Variants in C1GALT1 observed in about 807,000 individuals in gnomAD.
C1GALT1 encodes glycoprotein-N-acetylgalactosamine 3-beta-galactosyltransferase 1.
C1GALT1 carries 11 observed loss-of-function variants against 31.0 expected under a neutral mutation model. The ratio of observed to expected loss-of-function variants is 0.36; its 90% CI spans 0.22 to 0.59. C1GALT1 has a LOEUF of 0.59. Ranked by LOEUF, C1GALT1 falls within the 20% of genes least tolerant of loss-of-function variation. C1GALT1 has a pLI of 0.79. For missense variants in C1GALT1, 424 were observed against 425.2 expected (o/e 1.00, Z 0.03); for synonymous variants, 175 against 143.6 (o/e 1.22, Z -1.56).
chr7:7,167,044 C>T (rs933356427), intron 2 of C1GALT1, among the ~76,000 whole-genome samples: 3 of 152,176 alleles, frequency 2.0e-5, no homozygotes, highest in Non-Finnish European at 4.4e-5. Flanking sequence ...GATTGGACAC[C>T]AGGCTCAGAG....
At chr7:7,197,667 T>C (rs201589309) in intron 1 of C1GALT1, among the ~76,000 whole-genome samples, 77 of 152,200 alleles carry the variant, frequency 5.1e-4, no homozygotes, top group Non-Finnish European at 9.3e-4. Flanking sequence ...ATTCTTCCTA[T>C]CCATGAGCAT....
At chr7:7,173,661 G>A (rs1273265097) in intron 2 of C1GALT1, among the ~76,000 whole-genome samples, 5 of 152,178 alleles carry the variant, frequency 3.3e-5, no homozygotes, top group African/African-American at 1.2e-4. Context: ...CCAGCACTTT[G>A]GGAGGCCAAG....
chr7:7,184,424 A>C (rs1335634244), intron 1 of C1GALT1, among the ~76,000 whole-genome samples: 1 of 152,188 alleles, frequency 6.6e-6, no homozygotes, highest in African/African-American at 2.4e-5. Context: ...GTTTTTCATA[A>C]TTATGCTTTT....
upstream of C1GALT1, among the ~76,000 whole-genome samples, chr7:7,179,156 A>G (rs1780540809): frequency 6.6e-6 from 1 of 152,320 alleles, no homozygotes; most frequent in East Asian, 1.9e-4. Context: ...TGACTCTGAC[A>G]TAACAGCTAC....
At chr7:7,173,461 A>C (rs1780474755) in intron 2 of C1GALT1, among the ~76,000 whole-genome samples, 1 of 152,174 alleles carries the variant, frequency 6.6e-6, no homozygotes, top group African/African-American at 2.4e-5. Context: ...GCAATGCAAG[A>C]ATGGATTAAC....
intron 3 of C1GALT1, among the ~76,000 whole-genome samples, chr7:7,242,070 A>C (rs1783654572): frequency 6.6e-6 from 1 of 151,974 alleles, no homozygotes; most frequent in Non-Finnish European, 1.5e-5. Flanking sequence ...TGAGCACTTG[A>C]AATGTGGCTA....
intron 1 of C1GALT1, among the ~76,000 whole-genome samples, chr7:7,232,402 C>T (rs1783120177): frequency 6.6e-6 from 1 of 151,958 alleles, no homozygotes; most frequent in Non-Finnish European, 1.5e-5. Context: ...ATTTCCCAGA[C>T]CTCTACTTTC....
At chr7:7,214,690 C>T (rs2128240001) in intron 1 of C1GALT1, among the ~76,000 whole-genome samples, 1 of 152,320 alleles carries the variant, frequency 6.6e-6, no homozygotes, top group South Asian at 2.1e-4. Context: ...AGATCCAACC[C>T]AAGCAACTCC....
chr7:7,198,926 T>C (rs1164170343), intron 1 of C1GALT1, among the ~76,000 whole-genome samples: 1 of 152,184 alleles, frequency 6.6e-6, no homozygotes, highest in African/African-American at 2.4e-5. Context: ...CTTCTCTCTT[T>C]TCTTCTCTAT....
At chr7:7,239,006 C>CT (rs748573862) in intron 3 of C1GALT1, 84 bp downstream of exon 3, 2 of 1,093,462 alleles carry the variant, frequency 1.8e-6, no homozygotes, top group East Asian at 5.0e-5. Context: ...GTGTATGTTT[C>CT]TTTAGTACCA....
At chr7:7,203,092 G>GTTTTTT (rs35048292) in intron 1 of C1GALT1, among the ~76,000 whole-genome samples, 109 of 137,726 alleles carry the variant, frequency 7.9e-4, no homozygotes, top group African/African-American at 2.6e-3. Flanking sequence ...GTTCTAACAG[G>GTTTTTT]TTTTTTTTTT....
At chr7:7,210,090 G>A (rs933864405) in intron 1 of C1GALT1, among the ~76,000 whole-genome samples, 10 of 152,190 alleles carry the variant, frequency 6.6e-5, no homozygotes, top group Admixed American at 3.9e-4. Context: ...CAGGCCATCT[G>A]GATGTATACG....
chr7:7,169,331 A>C (rs1325447333), intron 2 of C1GALT1, among the ~76,000 whole-genome samples: 1 of 152,186 alleles, frequency 6.6e-6, no homozygotes, highest in African/African-American at 2.4e-5. Context: ...ATGTACAAAT[A>C]TCTCTTGAGT....
chr7:7,214,338 A>C lies in C1GALT1; in HGVS notation c.-17-19965A>C, dbSNP rs189883733. Among the ~76,000 whole-genome samples, 92 of 152,254 alleles carry C rather than the reference A, an allele frequency of 6.0e-4. 2 individuals are homozygous for C. The East Asian group carries it at 0.011, about 19-fold the overall frequency. On this transcript the variant is annotated intron_variant, in intron 1 of 3. Coordinates refer to ENST00000436587, the MANE Select transcript of C1GALT1 (RefSeq NM_020156.5). The stretch of plus-strand genomic sequence containing the variant: ...ACCAGAAGTTATCTTAGGACCTCTC[A>C]TGCATGCATTAAGAGTGGTAAGACA...
At chr7:7,220,431 A>G (rs901487457) in intron 1 of C1GALT1, among the ~76,000 whole-genome samples, 1 of 152,230 alleles carries the variant, frequency 6.6e-6, no homozygotes, top group Non-Finnish European at 1.5e-5. Context: ...CTTGCTCAAC[A>G]TTTCTACATC....
chr7:7,174,608 C>T (rs1780485655), intron 2 of C1GALT1, among the ~76,000 whole-genome samples: 1 of 151,966 alleles, frequency 6.6e-6, no homozygotes, highest in African/African-American at 2.4e-5. Context: ...AGTAGCTATA[C>T]CATTTGCATT....
At chr7:7,218,415 G>A (rs1292251029) in intron 1 of C1GALT1, among the ~76,000 whole-genome samples, 1 of 152,144 alleles carries the variant, frequency 6.6e-6, no homozygotes, top group East Asian at 1.9e-4. Flanking sequence ...TCTCTATGGG[G>A]TTGTTTGCAG....
chr7:7,227,015 A>G (rs1782795623), intron 1 of C1GALT1, among the ~76,000 whole-genome samples: 1 of 152,140 alleles, frequency 6.6e-6, no homozygotes, highest in African/African-American at 2.4e-5. Context: ...AGTGCCTAAA[A>G]TTGAGCTTAT....
At chr7:7,200,602 G>T (rs973343339) in intron 1 of C1GALT1, among the ~76,000 whole-genome samples, 1 of 152,140 alleles carries the variant, frequency 6.6e-6, no homozygotes, top group African/African-American at 2.4e-5. Flanking sequence ...TTCCAGCTTG[G>T]TTCCATTCTC....
Sources: gnomAD v4.1 joint callset for allele counts (sites outside exome capture counted in the v4.1 genomes callset) on GRCh38, gnomAD v4.1.1 for gene constraint, MANE v1.5 for transcripts, NCBI Gene and HGNC (gene_info 2026-07-23, HGNC 2026-07-21) for gene names.